NUCKS1: variants seen among roughly 807,000 people sequenced by gnomAD.
The protein encoded by NUCKS1 is nuclear ubiquitous casein and cyclin-dependent kinase substrate 1.
In NUCKS1, 2 loss-of-function variants were observed where a neutral mutation model predicts 33.0. The ratio of observed to expected loss-of-function variants is 0.06; its 90% CI spans 0.02 to 0.19. The LOEUF is 0.19. Ranked by LOEUF, NUCKS1 falls within the 10% of genes least tolerant of loss-of-function variation. The pLI is 1.00. For missense variants in NUCKS1, 201 were observed against 293.6 expected, an observed-to-expected ratio of 0.68 and a Z score of 2.31; for synonymous variants, 106 against 102.8, an observed-to-expected ratio of 1.03 and a Z score of -0.19.
chr1:205,724,227 C>G (rs1329516974), intron 3 of NUCKS1, among the ~76,000 whole-genome samples: 1 of 152,124 alleles, frequency 6.6e-6, no homozygotes. Flanking sequence ...TGTCTCAACA[C>G]AGGCTGGAAT....
At chr1:205,748,879 T>C (rs551028032) in intron 1 of NUCKS1, among the ~76,000 whole-genome samples, 7 of 152,244 alleles carry the variant, frequency 4.6e-5, no homozygotes, top group Non-Finnish European at 8.8e-5. Flanking sequence ...ATTAAAAATA[T>C]TTATTTGCAA....
intron 1 of NUCKS1, among the ~76,000 whole-genome samples, chr1:205,746,737 T>C (rs1300082629): frequency 3.9e-5 from 6 of 152,202 alleles, no homozygotes; most frequent in African/African-American, 1.4e-4. Context: ...TTCTCAACAC[T>C]ACTTATAAAC....
intron 1 of NUCKS1, among the ~76,000 whole-genome samples, chr1:205,748,376 A>G (rs1426142156): frequency 6.6e-6 from 1 of 152,246 alleles, no homozygotes; most frequent in African/African-American, 2.4e-5. Flanking sequence ...CCAGAAGACA[A>G]AAGATCCAAT....
chr1:205,743,914 C>CT (rs1262534603), intron 1 of NUCKS1, among the ~76,000 whole-genome samples: 1 of 152,134 alleles, frequency 6.6e-6, no homozygotes, highest in Non-Finnish European at 1.5e-5. Flanking sequence ...CCCTCATTCC[C>CT]TTTTTGTCCT....
At chr1:205,746,141 CAA>C (rs67268907) in intron 1 of NUCKS1, among the ~76,000 whole-genome samples, 19,752 of 152,002 alleles carry the variant, frequency 0.13, 2,114 homozygotes, top group East Asian at 0.53. Flanking sequence ...ACTAAAAATA[CAA>C]AAGTTAGCTG....
chr1:205,721,849 T>C (rs1300967089), intron 4 of NUCKS1, among the ~76,000 whole-genome samples: 1 of 151,742 alleles, frequency 6.6e-6, no homozygotes, highest in Admixed American at 6.6e-5. Context: ...TAATTTTGTA[T>C]TTTTAGTAGA....
intron 1 of NUCKS1, among the ~76,000 whole-genome samples, chr1:205,731,913 T>G (rs1368675638): frequency 6.6e-6 from 1 of 151,388 alleles, no homozygotes; most frequent in African/African-American, 2.4e-5. Context: ...AAAAAAAAAT[T>G]TAAGATAAAT....
At chr1:205,720,778 G>T in intron 4 of NUCKS1, 125 bp from the exon 5 acceptor site, 1 of 885,806 alleles carries the variant, frequency 1.1e-6, no homozygotes, top group Non-Finnish European at 1.7e-6. Context: ...GGCCAATATA[G>T]GATATAATCT....
chr1:205,740,691 T>C (rs1406296459), intron 1 of NUCKS1, among the ~76,000 whole-genome samples: 1 of 151,876 alleles, frequency 6.6e-6, no homozygotes, highest in African/African-American at 2.4e-5. Context: ...AAATCCCCAA[T>C]AGCATTATAG....
At chr1:205,747,317 C>A (rs553205186) in intron 1 of NUCKS1, among the ~76,000 whole-genome samples, 23 of 152,160 alleles carry the variant, frequency 1.5e-4, no homozygotes, top group Admixed American at 2.6e-4. Flanking sequence ...CTCTTCCTAG[C>A]TCCAAGGCTA....
At position 205,717,937 on chromosome 1, in the gene NUCKS1, G is replaced by A. The variant is rs1332837817; in HGVS notation, c.*343C>T. 10 of 1,003,652 alleles carry A rather than the reference G, an allele frequency of 1.0e-5. No individual in the cohort carries two copies. Among genetic ancestry groups the A allele is most frequent in the South Asian group, 4.5e-5 (1 of 22,320 alleles). 62.2% of individuals were successfully genotyped at this position (1,003,652 alleles called of 1,614,324 possible). ...TCTCAAATCTTATTGCTTTACAACC[G>A]TGGTACACCTTTCATTAAAAATAAA... On this transcript the variant is annotated 3_prime_UTR_variant, in exon 7 of 7. Coordinates refer to ENST00000367142, the MANE Select transcript of NUCKS1 (RefSeq NM_022731.5).
chr1:205,741,729 C>A (rs1654180696), intron 1 of NUCKS1, among the ~76,000 whole-genome samples: 1 of 152,134 alleles, frequency 6.6e-6, no homozygotes, highest in Non-Finnish European at 1.5e-5. Context: ...ACTATAAGCA[C>A]AGAACTGTGT....
At chr1:205,731,891 G>A (rs1410216780) in intron 1 of NUCKS1, among the ~76,000 whole-genome samples, 4 of 142,466 alleles carry the variant, frequency 2.8e-5, no homozygotes, top group Admixed American at 7.0e-5. Context: ...GAGAGACTCC[G>A]TCTCAAAAAA....
At chr1:205,731,949 T>C (rs1410389162) in intron 1 of NUCKS1, among the ~76,000 whole-genome samples, 1 of 151,908 alleles carries the variant, frequency 6.6e-6, no homozygotes, top group Admixed American at 6.6e-5. Flanking sequence ...TACTTAAACC[T>C]GAGCAGAGGG....
chr1:205,720,375 C>T lies in NUCKS1; in HGVS notation c.382+126G>A, dbSNP rs570193660. On this transcript the variant is annotated intron_variant, in intron 5 of 6. Transcript: ENST00000367142. ...ACCAATACAGTCATCTCTTTTAACA[C>T]GGAGTATCTACCCAATTTAAGGGAC... 22 of 861,128 alleles carry T rather than the reference C, an allele frequency of 2.6e-5. No individual in the cohort carries two copies. The Admixed American group carries it at 3.9e-4, about 15-fold the overall frequency. The allele number at this position is 861,128 out of a possible 1,614,324, so 53.3% of individuals were successfully genotyped here. A position where few individuals can be genotyped will look rare whatever the true frequency, so the allele number is the denominator to read the frequency against.
At chr1:205,727,656 A>G in intron 3 of NUCKS1, 44 bp downstream of exon 3, 1 of 1,267,104 alleles carries the variant, frequency 7.9e-7, no homozygotes, top group Non-Finnish European at 1.2e-6. Context: ...CTCATCTCAG[A>G]GTGGTAACAG....
At chr1:205,739,243 G>A (rs1156844209) in intron 1 of NUCKS1, among the ~76,000 whole-genome samples, 1 of 152,202 alleles carries the variant, frequency 6.6e-6, no homozygotes, top group Admixed American at 6.5e-5. Flanking sequence ...TGCTACTGTT[G>A]ATGCAGCTTC....
At chr1:205,737,417 A>G (rs1017338182) in intron 1 of NUCKS1, among the ~76,000 whole-genome samples, 1 of 152,208 alleles carries the variant, frequency 6.6e-6, no homozygotes, top group African/African-American at 2.4e-5. Context: ...GTCCTCATCT[A>G]TATCATTAAT....
In NUCKS1 at chr1:205,718,345, T is replaced by C; in HGVS notation, c.667A>G (p.Ser223Gly). 1.2e-6 allele frequency: 2 copies of C among 1,613,822 alleles called. No individual in the cohort carries two copies. The highest frequency in any genetic ancestry group is 1.7e-6 in the Non-Finnish European group (2 of 1,179,960). ...ESPPEKKTST[S>G]PPPEKSGDEG... is the part of the protein sequence containing the mutation. ...TCCCCAGATTTCTCGGGTGGGGGGC[T>C]TGTAGATGTTTTCTTTTCTGGCGGG... Residue 223 changes from serine (S) to glycine (G), a missense_variant, in exon 7 of 7, where the codon AGC (serine) becomes GGC (glycine). Ser to Gly is a moderately conservative substitution (Grantham distance 56). Transcript: ENST00000367142.
Sources: allele counts gnomAD v4.1 joint callset (sites outside exome capture counted in the v4.1 genomes callset), GRCh38; gene constraint gnomAD v4.1.1; transcripts MANE v1.5; gene names NCBI Gene and HGNC (gene_info 2026-07-23, HGNC 2026-07-21).